The following SGPL1 variants were observed in gnomAD, a reference collection of about 807,000 sequenced individuals.
The protein encoded by SGPL1 is sphingosine-1-phosphate lyase 1, also known as SP-lyase 1.
A neutral mutation model predicts 68.9 loss-of-function variants in SGPL1; 37 were observed. The observed-to-expected ratio is 0.54, with a 90% CI of 0.41 to 0.71. The LOEUF (loss-of-function observed/expected upper bound fraction) is 0.71, where lower values mean the gene tolerates loss of function less well. Ranked by LOEUF, SGPL1 falls within the 30% of genes least tolerant of loss-of-function variation. The pLI, the probability that SGPL1 is intolerant of heterozygous loss-of-function variation, is 0.00. For synonymous variants in SGPL1, 236 were observed against 248.5 expected (o/e 0.95, Z 0.47); for missense variants, 551 against 704.6 (o/e 0.78, Z 2.47).
intron 12 of SGPL1, 82 bp downstream of exon 12, chr10:70,873,671 C>G: frequency 2.9e-6 from 3 of 1,023,538 alleles, no homozygotes; most frequent in Non-Finnish European, 4.6e-6. Context: ...GGCTAAGTAT[C>G]CATAGCCCTA....
Position 70,875,421 on chromosome 10 carries a change from A to G in SGPL1, c.1318A>G (p.Ile440Val). Residue 440 changes from isoleucine to valine, a missense_variant, in exon 13 of 15, where the codon ATC becomes GTC. Ile to Val is a conservative substitution (Grantham distance 29). Transcript: ENST00000373202. The part of the protein sequence containing the change: ...LKSELENIKG[I>V]FVFGNPQLSV... ...TTTAAGACTGGAAAATATCAAAGGCATCTTTGTTTTTGGGAATCCCCAATT... is the reference window on the plus strand; with the variant it reads ...TTTAAGACTGGAAAATATCAAAGGCGTCTTTGTTTTTGGGAATCCCCAATT... The G allele has an allele frequency of 6.2e-7, 1 of 1,611,096 alleles. No homozygotes were observed.
At chr10:70,865,658 T>A (rs1462411106) in intron 7 of SGPL1, among the ~76,000 whole-genome samples, 1 of 152,262 alleles carries the variant, frequency 6.6e-6, no homozygotes, top group Non-Finnish European at 1.5e-5. Flanking sequence ...GGGCAGTCTT[T>A]AGGTTATTCC....
chr10:70,872,093 C>T, intron 11 of SGPL1, 107 bp downstream of exon 11: 3 of 1,114,448 alleles, frequency 2.7e-6, no homozygotes, highest in Admixed American at 5.4e-5. Context: ...ATAGAATTCT[C>T]ATCAGATGCT....
intron 1 of SGPL1, 39 bp from the exon 2 acceptor site, chr10:70,816,772 A>G: frequency 1.4e-6 from 2 of 1,397,888 alleles, no homozygotes; most frequent in South Asian, 1.2e-5. Context: ...GAGACAGTTT[A>G]AAGCTCTAGA....
intron 3 of SGPL1, among the ~76,000 whole-genome samples, chr10:70,845,958 AATTTAGAAGCCAG>A (rs1234513435): frequency 6.6e-6 from 1 of 152,240 alleles, no homozygotes; most frequent in African/African-American, 2.4e-5. Context: ...AAGGAAAGTC[AATTTAGAAGCCAG>A]ATTCCATTTT....
chr10:70,836,467 A>G (rs1315244790), intron 2 of SGPL1, among the ~76,000 whole-genome samples: 2 of 152,168 alleles, frequency 1.3e-5, no homozygotes, highest in Non-Finnish European at 2.9e-5. Flanking sequence ...TTCCCCATCT[A>G]TAGAGTGATA....
intron 2 of SGPL1, among the ~76,000 whole-genome samples, chr10:70,838,230 C>T (rs543417916): frequency 6.6e-6 from 1 of 152,124 alleles, no homozygotes; most frequent in Non-Finnish European, 1.5e-5. Flanking sequence ...TAGTAATATT[C>T]ATTTGTGGAA....
At chr10:70,817,879 C>G (rs571460291) in intron 2 of SGPL1, among the ~76,000 whole-genome samples, 40 of 152,318 alleles carry the variant, frequency 2.6e-4, no homozygotes, top group Middle Eastern at 3.4e-3. Flanking sequence ...TTTTGTTGGA[C>G]AGAGAGGTAT....
chr10:70,824,426 A>G (rs548596238), intron 2 of SGPL1, among the ~76,000 whole-genome samples: 1 of 152,318 alleles, frequency 6.6e-6, no homozygotes, highest in South Asian at 2.1e-4. Flanking sequence ...AGCGACCACA[A>G]TTTCAACAAA....
chr10:70,847,620 A>AC (rs1845812486), intron 3 of SGPL1, among the ~76,000 whole-genome samples: 1 of 152,160 alleles, frequency 6.6e-6, no homozygotes, highest in African/African-American at 2.4e-5. Flanking sequence ...TACAAAATGT[A>AC]ATTTTGTAAA....
chr10:70,869,507 C>A (rs941809739), intron 8 of SGPL1: 31 of 232,134 alleles, frequency 1.3e-4, no homozygotes, highest in South Asian at 1.5e-4. Context: ...AGCTTTCCGC[C>A]TGCCAGCCTA....
intron 2 of SGPL1, 28 bp downstream of exon 2, chr10:70,816,908 T>C (rs760607191): frequency 6.2e-7 from 1 of 1,611,784 alleles, no homozygotes; most frequent in South Asian, 1.1e-5. Flanking sequence ...ATCCTCCTGG[T>C]TCCAAGGCAT....
chr10:70,818,233 G>A (rs564768582), intron 2 of SGPL1, among the ~76,000 whole-genome samples: 1 of 152,258 alleles, frequency 6.6e-6, no homozygotes, highest in South Asian at 2.1e-4. Flanking sequence ...CGATTCTCCT[G>A]CCTCAGCCTC....
chr10:70,820,166 G>A (rs1026930940), intron 2 of SGPL1: 2 of 152,150 alleles, frequency 1.3e-5, no homozygotes, highest in Non-Finnish European at 2.9e-5. Flanking sequence ...AAAACCTTTT[G>A]GTATCCTTCT....
intron 2 of SGPL1, among the ~76,000 whole-genome samples, chr10:70,843,383 T>TG (rs1235648021): frequency 7.9e-5 from 12 of 152,344 alleles, no homozygotes; most frequent in African/African-American, 2.9e-4. Context: ...ACCCTGGAGA[T>TG]GCTTAATCAA....
rs768941777 is a variant in SGPL1 at position 70,877,214 on chromosome 10, C to T, written c.1586C>T (p.Ala529Val). Residue 529 changes from alanine (A) to valine (V), a missense_variant, in exon 15 of 15, where the codon GCC becomes GTC. Physicochemically the swap from Ala to Val is moderately conservative, Grantham distance 64 (BLOSUM62 0). Coordinates refer to ENST00000373202, the MANE Select transcript of SGPL1 (RefSeq NM_003901.4). ...TTGTAGGGTGCCATCTATGGCATGG[C>T]CCAGACAACTGTTGACAGGAATATG... ...TTGMGAIYGM[A>V]QTTVDRNMVA... 3.7e-6 allele frequency: 6 copies of T among 1,614,114 alleles called. No individual in the cohort carries two copies. The East Asian group carries it at 1.3e-4, about 36-fold the overall frequency.
At chr10:70,859,211 C>T (rs1416957859) in intron 6 of SGPL1, among the ~76,000 whole-genome samples, 160 bp from the exon 7 acceptor site, 2 of 152,162 alleles carry the variant, frequency 1.3e-5, no homozygotes, top group African/African-American at 2.4e-5. Context: ...TGTCTGTCTC[C>T]TCTGCTATGT....
chr10:70,825,972 A>G (rs1845427942), intron 2 of SGPL1, among the ~76,000 whole-genome samples: 1 of 152,214 alleles, frequency 6.6e-6, no homozygotes, highest in South Asian at 2.1e-4. Flanking sequence ...ACTTGAAGCC[A>G]GAAGTCAAGA....
intron 2 of SGPL1, among the ~76,000 whole-genome samples, chr10:70,823,155 C>T (rs34284787): frequency 3.8e-4 from 58 of 151,954 alleles, no homozygotes; most frequent in Middle Eastern, 3.4e-3. Context: ...TCCCTTTCTC[C>T]GTCAATCTCT....
Sources: gnomAD v4.1 joint callset for allele counts (sites outside exome capture counted in the v4.1 genomes callset) on GRCh38, gnomAD v4.1.1 for gene constraint, MANE v1.5 for transcripts, NCBI Gene and HGNC (gene_info 2026-07-23, HGNC 2026-07-21) for gene names.